The following ETV1 variants were observed in gnomAD, a reference collection of about 807,000 sequenced individuals.
ETV1 encodes ETS translocation variant 1.
In ETV1, 27 loss-of-function variants were observed where a neutral mutation model predicts 62.3. That is an observed-to-expected ratio of 0.43 (90% CI 0.32 to 0.60). The LOEUF is 0.60. Among genes scored for constraint, ETV1 ranks in the 20% least tolerant of loss-of-function variants. The pLI, the probability that ETV1 is intolerant of heterozygous loss-of-function variation, is 0.06. For synonymous variants in ETV1, 222 were observed against 199.6 expected (o/e 1.11, Z -0.94); for missense variants, 605 against 605.8 (o/e 1.00, Z 0.01).
At chr7:13,980,081 A>G (rs945999888) in intron 5 of ETV1, among the ~76,000 whole-genome samples, 1 of 152,194 alleles carries the variant, frequency 6.6e-6, no homozygotes, top group Non-Finnish European at 1.5e-5. Flanking sequence ...TCCTTAACAT[A>G]CTGAATAAAT....
At chr7:13,966,363 T>C (rs1780286379) in intron 6 of ETV1, among the ~76,000 whole-genome samples, 1 of 152,130 alleles carries the variant, frequency 6.6e-6, no homozygotes, top group Non-Finnish European at 1.5e-5. Context: ...CCGGGTGTGG[T>C]GGCTCACACC....
At chr7:13,967,216 C>A (rs1780383544) in intron 6 of ETV1, among the ~76,000 whole-genome samples, 1 of 151,974 alleles carries the variant, frequency 6.6e-6, no homozygotes, top group African/African-American at 2.4e-5. Flanking sequence ...TTAAAGGGTC[C>A]ATCACAACTC....
At chr7:13,911,083 CT>C (rs1216696531) in intron 10 of ETV1, among the ~76,000 whole-genome samples, 155 bp downstream of exon 10, 1 of 152,122 alleles carries the variant, frequency 6.6e-6, no homozygotes, top group Non-Finnish European at 1.5e-5. Context: ...CTTGAAACAT[CT>C]TCTTTTTACT....
rs1781478701 is a variant in ETV1 at position 13,892,956 on chromosome 7, G to A, written c.*2910C>T. 4.3e-6 allele frequency: 1 copy of A among 232,530 alleles called. No homozygotes were observed. The highest frequency in any genetic ancestry group is 6.1e-5 in the East Asian group (1 of 16,440). The allele number at this position is 232,530 out of a possible 1,614,324, so 14.4% of individuals were successfully genotyped here. A position where few individuals can be genotyped will look rare whatever the true frequency, so the allele number is the denominator to read the frequency against. ...ATTTGTGTAAATTACTGAAGTTGTG[G>A]TAATTGGTTACAGCATCTACGGGAA... On this transcript the variant is annotated 3_prime_UTR_variant, in exon 14 of 14. Coordinates refer to ENST00000430479, the MANE Select transcript of ETV1 (RefSeq NM_004956.5).
chr7:13,907,025 T>C (rs1288564717), intron 11 of ETV1, among the ~76,000 whole-genome samples: 7 of 152,196 alleles, frequency 4.6e-5, no homozygotes, highest in Non-Finnish European at 1.0e-4. Flanking sequence ...GGCATTTGAT[T>C]CATACAAATT....
At chr7:13,917,188 G>T (rs750021400) in intron 9 of ETV1, among the ~76,000 whole-genome samples, 39 of 151,786 alleles carry the variant, frequency 2.6e-4, no homozygotes, top group African/African-American at 9.4e-4. Context: ...TACTAGGCTC[G>T]CACTATTACA....
intron 3 of ETV1, chr7:13,988,575 AGC>A (rs1562727329): frequency 4.2e-6 from 3 of 722,062 alleles, no homozygotes; most frequent in South Asian, 3.3e-5. Context: ...AAAAAAAAAA[AGC>A]AAAAAGAGTA....
intron 6 of ETV1, among the ~76,000 whole-genome samples, chr7:13,942,746 T>C (rs1313279670): frequency 1.3e-5 from 2 of 152,216 alleles, no homozygotes; most frequent in African/African-American, 4.8e-5. Flanking sequence ...TAACAAATCA[T>C]ATTATACTTG....
At chr7:13,914,177 G>A (rs1375563909) in intron 9 of ETV1, among the ~76,000 whole-genome samples, 3 of 151,394 alleles carry the variant, frequency 2.0e-5, no homozygotes, top group Admixed American at 6.6e-5. Flanking sequence ...GAGTCACCGC[G>A]CCCGGCCGGG....
chr7:13,986,256 T>G, intron 5 of ETV1: 1 of 1,527,900 alleles, frequency 6.5e-7, no homozygotes. Flanking sequence ...TGATATGCGC[T>G]GCTCTAAAGG....
chr7:13,958,563 G>C (rs1401585275), intron 6 of ETV1, among the ~76,000 whole-genome samples: 1 of 152,184 alleles, frequency 6.6e-6, no homozygotes, highest in Non-Finnish European at 1.5e-5. Flanking sequence ...GATCGTTCCA[G>C]TTCTGTCACT....
At chr7:13,969,569 C>T (rs548139904) in intron 6 of ETV1, among the ~76,000 whole-genome samples, 14 of 152,230 alleles carry the variant, frequency 9.2e-5, no homozygotes, top group Middle Eastern at 3.4e-3. Context: ...GCATCAGAAT[C>T]ACCTAACAGT....
intron 6 of ETV1, among the ~76,000 whole-genome samples, chr7:13,946,018 G>C (rs2128466762): frequency 6.6e-6 from 1 of 152,296 alleles, no homozygotes; most frequent in South Asian, 2.1e-4. Flanking sequence ...GCTGAGTCTG[G>C]AACAGAGTTA....
intron 6 of ETV1, among the ~76,000 whole-genome samples, chr7:13,952,932 T>A (rs758395189): frequency 6.6e-6 from 1 of 152,112 alleles, no homozygotes; most frequent in East Asian, 1.9e-4. Flanking sequence ...ATCTTCACAG[T>A]CTAATTGCCA....
At chr7:13,973,084 T>C (rs1781067173) in intron 6 of ETV1, among the ~76,000 whole-genome samples, 1 of 152,218 alleles carries the variant, frequency 6.6e-6, no homozygotes, top group Admixed American at 6.5e-5. Context: ...TGTGATTTAA[T>C]CTCATTTTCA....
At chr7:13,914,136 C>T (rs1016933048) in intron 9 of ETV1, among the ~76,000 whole-genome samples, 42 of 151,852 alleles carry the variant, frequency 2.8e-4, no homozygotes, top group African/African-American at 9.2e-4. Flanking sequence ...CCACCCGCCT[C>T]GGCCTCCCAA....
At chr7:13,907,348 T>G (rs1046113790) in intron 11 of ETV1, among the ~76,000 whole-genome samples, 3 of 152,176 alleles carry the variant, frequency 2.0e-5, no homozygotes, top group Admixed American at 6.6e-5. Context: ...AACTTGCTAT[T>G]GTTTTTTCTA....
chr7:13,946,941 A>C (rs1453809429), intron 6 of ETV1, among the ~76,000 whole-genome samples: 1 of 152,116 alleles, frequency 6.6e-6, no homozygotes, highest in Non-Finnish European at 1.5e-5. Context: ...GGTGTGTGCC[A>C]CCATGCTCAG....
intron 6 of ETV1, among the ~76,000 whole-genome samples, chr7:13,955,463 G>A (rs570990360): frequency 6.6e-6 from 1 of 152,044 alleles, no homozygotes; most frequent in African/African-American, 2.4e-5. Flanking sequence ...TACAGCACAA[G>A]AGCTACATCA....
Sources: allele counts gnomAD v4.1 joint callset (sites outside exome capture counted in the v4.1 genomes callset), GRCh38; gene constraint gnomAD v4.1.1; transcripts MANE v1.5; gene names NCBI Gene and HGNC (gene_info 2026-07-23, HGNC 2026-07-21).